The following USP34 variants were observed in gnomAD, a reference collection of about 807,000 sequenced individuals.
USP34 encodes ubiquitin carboxyl-terminal hydrolase 34.
In USP34, 70 loss-of-function variants were observed where a neutral mutation model predicts 460.3. The observed-to-expected ratio is 0.15, with a 90% CI of 0.13 to 0.19. USP34 has a LOEUF of 0.19. Among genes scored for constraint, USP34 ranks in the 10% least tolerant of loss-of-function variants. The pLI, the probability that USP34 is intolerant of heterozygous loss-of-function variation, is 1.00. For synonymous variants in USP34, 1,647 were observed against 1,405.3 expected (o/e 1.17, Z -3.85); for missense variants, 3,985 against 4,236.2 (o/e 0.94, Z 1.65).
intron 41 of USP34, among the ~76,000 whole-genome samples, chr2:61,271,574 G>T (rs191880111): frequency 6.6e-6 from 1 of 151,966 alleles, no homozygotes; most frequent in African/African-American, 2.4e-5. Context: ...AAAAGGAGAA[G>T]AAAGGAGGAA....
chr2:61,324,962 A>T (rs1178742196), intron 21 of USP34, among the ~76,000 whole-genome samples: 3 of 152,168 alleles, frequency 2.0e-5, no homozygotes, highest in Non-Finnish European at 4.4e-5. Context: ...AATGGAACTG[A>T]AGGCCATTAT....
chr2:61,363,351 C>T (rs908401206), intron 10 of USP34, among the ~76,000 whole-genome samples: 3 of 152,192 alleles, frequency 2.0e-5, no homozygotes, highest in African/African-American at 7.2e-5. Context: ...AGACATCCTA[C>T]TCCTAGGTAC....
At chr2:61,337,588 G>A (rs1691462182) in intron 18 of USP34, among the ~76,000 whole-genome samples, 1 of 152,078 alleles carries the variant, frequency 6.6e-6, no homozygotes, top group African/African-American at 2.4e-5. Flanking sequence ...CCAAGTAGCT[G>A]GGACTACAGG....
intron 27 of USP34, among the ~76,000 whole-genome samples, chr2:61,306,633 G>C (rs956806207): frequency 3.9e-5 from 6 of 152,134 alleles, no homozygotes; most frequent in African/African-American, 1.4e-4. Flanking sequence ...GGATGGCACT[G>C]CATCTATAAA....
At chr2:61,300,135 A>G (rs1407985086) in intron 29 of USP34, among the ~76,000 whole-genome samples, 1 of 152,196 alleles carries the variant, frequency 6.6e-6, no homozygotes, top group Non-Finnish European at 1.5e-5. Flanking sequence ...CTCCAAAGAA[A>G]CTTATTAGGT....
intron 1 of USP34, 84 bp from the exon 2 acceptor site, chr2:61,420,917 C>A: frequency 3.5e-6 from 3 of 855,520 alleles, no homozygotes; most frequent in Non-Finnish European, 3.5e-6. Context: ...CCAAGAGCTA[C>A]AAATGCAAAC....
At chr2:61,305,898 T>C (rs1690388971) in intron 27 of USP34, among the ~76,000 whole-genome samples, 1 of 152,164 alleles carries the variant, frequency 6.6e-6, no homozygotes, top group African/African-American at 2.4e-5. Flanking sequence ...AAAACAGAAG[T>C]GTCTGTTCAT....
At chr2:61,206,734 A>C (rs1687130952) in intron 71 of USP34, 26 bp downstream of exon 71, 2 of 1,608,942 alleles carry the variant, frequency 1.2e-6, no homozygotes, top group Non-Finnish European at 1.7e-6. Context: ...GCACGAACAA[A>C]ACATAAGAAG....
Position 61,188,800 on chromosome 2 carries a change from A to G in USP34, c.10034-91T>C, listed in dbSNP as rs1443007101. ...GTGGGAAGTTAATTTTGTTTCTAGCATTTATATTTAGGAGGTTCAGCTGAA... is the reference window on the plus strand; with the variant it reads ...GTGGGAAGTTAATTTTGTTTCTAGCGTTTATATTTAGGAGGTTCAGCTGAA... On this transcript the variant is annotated intron_variant, in intron 79 of 79. Coordinates refer to ENST00000398571, the MANE Select transcript of USP34 (RefSeq NM_014709.4). 8 of 1,565,990 alleles carry G rather than the reference A, an allele frequency of 5.1e-6. No homozygotes were observed. The East Asian group carries it at 6.7e-5, about 13-fold the overall frequency.
intron 3 of USP34, among the ~76,000 whole-genome samples, chr2:61,398,488 G>GGGGAAGGAGGCGGAAGCA (rs1693608333): frequency 8.4e-6 from 1 of 119,392 alleles, no homozygotes; most frequent in Non-Finnish European, 1.7e-5. Flanking sequence ...AGGCGGAAGC[G>GGGGAAGGAGGCGGAAGCA]GGGGAAGGAG....
intron 3 of USP34, among the ~76,000 whole-genome samples, chr2:61,404,334 C>G (rs1347377465): frequency 7.2e-5 from 11 of 152,074 alleles, no homozygotes; most frequent in Admixed American, 7.2e-4. Flanking sequence ...CCAGGATGCA[C>G]AGGAAACAAT....
Position 61,188,212 on chromosome 2 carries a change from A to C in USP34, c.10531T>G (p.Phe3511Val). 1 of 1,614,194 alleles carries C rather than the reference A, an allele frequency of 6.2e-7. No homozygotes were observed. The change falls in exon 80 of 80, where the codon TTT becomes GTT. Residue 3511 changes from phenylalanine to valine, a missense_variant. Transcript: ENST00000398571. ...ATGTCATGTTGCTGCATATGACTAA[A>C]GAGTCCTCTGGAATGGCCACAACTG... The part of the protein sequence containing the change: ...SLSCGHSRGL[F>V]SHMQQHDILD...
intron 78 of USP34, chr2:61,190,003 T>C (rs1040782863): frequency 2.2e-5 from 7 of 324,872 alleles, no homozygotes; most frequent in Non-Finnish European, 3.3e-5. Flanking sequence ...TCCAAAAATA[T>C]ACCCAACTAG....
rs377043132 is a variant in USP34, at chr2:61,293,644, G to T, written c.4462-94C>A. On this transcript the variant is annotated intron_variant, in intron 32 of 79. Coordinates refer to ENST00000398571, the MANE Select transcript of USP34 (RefSeq NM_014709.4). ...AGTAACTGGATATGTAAAATATTACGTATCTTTTATTTACACTACTATTCA... is the reference window on the plus strand; with the variant it reads ...AGTAACTGGATATGTAAAATATTACTTATCTTTTATTTACACTACTATTCA... 169 of 841,356 alleles carry T rather than the reference G, an allele frequency of 2.0e-4. 2 individuals carry two copies. Among genetic ancestry groups the T allele is most frequent in the Admixed American group, 1.9e-4 (8 of 41,476 alleles). 52.1% of individuals were successfully genotyped at this position (841,356 alleles called of 1,614,324 possible). A position where few individuals can be genotyped will look rare whatever the true frequency, so the allele number is the denominator to read the frequency against.
intron 75 of USP34, among the ~76,000 whole-genome samples, chr2:61,196,756 C>A (rs2103751095): frequency 6.6e-6 from 1 of 152,124 alleles, no homozygotes; most frequent in South Asian, 2.1e-4. Context: ...TGGTCTTGAG[C>A]TCCTGGGCTC....
rs1440664046 is a variant in USP34, at chr2:61,283,169, C to A, written c.4974G>T (p.Lys1658Asn). The A allele has an allele frequency of 1.9e-6, 3 of 1,613,428 alleles. No individual in the cohort carries two copies. In the South Asian group the frequency reaches 3.3e-5, roughly 18 times the overall value. Reference sequence around the variant, plus strand: ...CCTCAGGAATAAGGAGAGTCAATTTCTTTAGCCAATCTTGTAAATGATCGC... The same window carrying A: ...CCTCAGGAATAAGGAGAGTCAATTTATTTAGCCAATCTTGTAAATGATCGC... Reference protein sequence around the residue: ...ADSDHLQDWLKKLTLLIPETA... With the variant: ...ADSDHLQDWLNKLTLLIPETA... The change falls in exon 37 of 80, where the codon AAG (lysine) becomes AAT (asparagine). Residue 1658 changes from lysine (K) to asparagine (N), a missense_variant. By Grantham distance (94) the Lys-to-Asn change is moderately conservative. This residue lies in a region of USP34 where 1,114 missense variants were observed against 1,122.5 expected (regional missense o/e 0.99). Transcript: ENST00000398571.
chr2:61,228,975 G>A lies in USP34; in HGVS notation c.7220C>T (p.Ser2407Leu). 2 of 1,596,566 alleles carry A rather than the reference G, an allele frequency of 1.3e-6. No homozygotes were observed. The highest frequency in any genetic ancestry group is 1.1e-5 in the South Asian group (1 of 88,098). ...MEDGSDDMDT[S>L]VEDIGGRSCV... Reference sequence around the variant, plus strand: ...TGAACGACCACCAATATCTTCTACTGAGGTATCCATATCATCTGACCTAAG... The same window carrying A: ...TGAACGACCACCAATATCTTCTACTAAGGTATCCATATCATCTGACCTAAG... The change falls in exon 60 of 80, where the codon TCA becomes TTA. Residue 2407 changes from serine (S) to leucine (L), a missense_variant. Physicochemically the swap from Ser to Leu is moderately radical, Grantham distance 145. Coordinates refer to ENST00000398571, the MANE Select transcript of USP34 (RefSeq NM_014709.4).
intron 1 of USP34, among the ~76,000 whole-genome samples, chr2:61,445,050 G>A (rs1035910478): frequency 2.0e-5 from 3 of 151,634 alleles, no homozygotes; most frequent in Non-Finnish European, 4.4e-5. Context: ...GTTTGAAGAA[G>A]CAATAGTAAC....
At chr2:61,399,391 C>T (rs908390847) in intron 3 of USP34, among the ~76,000 whole-genome samples, 13 of 151,654 alleles carry the variant, frequency 8.6e-5, no homozygotes, top group Non-Finnish European at 7.4e-5. Context: ...CAGTGTTACT[C>T]AGATTTGATT....
Sources: allele counts gnomAD v4.1 joint callset (sites outside exome capture counted in the v4.1 genomes callset), GRCh38; gene constraint gnomAD v4.1.1; regional missense constraint gnomAD v4.1.1; transcripts MANE v1.5; gene names NCBI Gene and HGNC (gene_info 2026-07-23, HGNC 2026-07-21).